PDS5B: variants seen among roughly 807,000 people sequenced by gnomAD.
PDS5B encodes sister chromatid cohesion protein PDS5 homolog B.
PDS5B carries 51 observed loss-of-function variants against 184.1 expected under a neutral mutation model. The ratio of observed to expected loss-of-function variants is 0.28; its 90% confidence interval spans 0.22 to 0.35. PDS5B has a LOEUF of 0.35. PDS5B is among the 10% of genes least tolerant of loss of function. The pLI is 1.00. For missense variants in PDS5B, 1,180 were observed against 1,723.3 expected (o/e 0.68, Z 5.58); for synonymous variants, 566 against 569.2 (o/e 0.99, Z 0.08).
At chr13:32,623,237 G>A (rs187305483) in intron 1 of PDS5B, among the ~76,000 whole-genome samples, 17 of 152,244 alleles carry the variant, frequency 1.1e-4, no homozygotes, top group Admixed American at 3.3e-4. Flanking sequence ...TTTCATAGTA[G>A]TGATGTTATC....
chr13:32,665,588 C>CAAAAAAAAAAAAAAAAAA (rs34604938), intron 6 of PDS5B, among the ~76,000 whole-genome samples: 4 of 25,874 alleles, frequency 1.5e-4, no homozygotes, highest in Admixed American at 6.6e-4. Flanking sequence ...GACTCCGACT[C>CAAAAAAAAAAAAAAAAAA]AAAAAAAAAA....
intron 1 of PDS5B, among the ~76,000 whole-genome samples, chr13:32,612,974 A>G (rs1467622271): frequency 1.3e-5 from 2 of 152,254 alleles, no homozygotes; most frequent in Admixed American, 6.5e-5. Flanking sequence ...AGTTTTGCCT[A>G]TTCTGAACAT....
At chr13:32,648,668 G>C in intron 1 of PDS5B, 86 bp from the exon 2 acceptor site, 3 of 614,078 alleles carry the variant, frequency 4.9e-6, no homozygotes, top group Middle Eastern at 9.0e-4. Flanking sequence ...TACAAATTTT[G>C]GTTGGTGGGG....
chr13:32,733,985 A>AACACACACACACACACACACAC (rs148714647), intron 20 of PDS5B, among the ~76,000 whole-genome samples: 2,373 of 141,966 alleles, frequency 0.017, 71 homozygotes, highest in African/African-American at 0.058. Context: ...CAAAAATTAA[A>AACACACACACACACACACACAC]ACACACACAC....
intron 24 of PDS5B, among the ~76,000 whole-genome samples, chr13:32,749,322 T>C (rs1842478760): frequency 6.6e-6 from 1 of 152,192 alleles, no homozygotes; most frequent in Non-Finnish European, 1.5e-5. Context: ...TCTGAGTCTT[T>C]TATTTTATCT....
Position 32,694,415 on chromosome 13 carries a change from T to C in PDS5B, c.1551+111T>C. ...TCTTTCTGTTTGCAAAAGTTCTGAT[T>C]GTAGAAGTTAGGATTCCTTGTTTAG... On this transcript the variant is annotated intron_variant, in intron 14 of 34. Transcript: ENST00000315596. The C allele has an allele frequency of 4.1e-6, 3 of 731,296 alleles. No homozygotes were observed. In the South Asian group the frequency reaches 4.8e-5, roughly 12 times the overall value. 45.3% of individuals were successfully genotyped at this position (731,296 alleles called of 1,614,324 possible).
chr13:32,616,942 G>C (rs1242601750), intron 1 of PDS5B, among the ~76,000 whole-genome samples: 1 of 152,110 alleles, frequency 6.6e-6, no homozygotes, highest in African/African-American at 2.4e-5. Context: ...CAGGAATAAT[G>C]AACAGTTTAA....
intron 30 of PDS5B, among the ~76,000 whole-genome samples, chr13:32,760,946 G>T (rs1030839740): frequency 6.6e-6 from 1 of 152,170 alleles, no homozygotes; most frequent in Non-Finnish European, 1.5e-5. Flanking sequence ...GGGGTAATCT[G>T]TGTTAGTACA....
intron 1 of PDS5B, among the ~76,000 whole-genome samples, chr13:32,620,690 G>A (rs915020777): frequency 6.6e-6 from 1 of 152,020 alleles, no homozygotes; most frequent in South Asian, 2.1e-4. Flanking sequence ...TAGTGATAAC[G>A]GGATTCTGAT....
intron 19 of PDS5B, among the ~76,000 whole-genome samples, chr13:32,728,965 C>T (rs1008779200): frequency 2.6e-5 from 4 of 152,260 alleles, no homozygotes; most frequent in Middle Eastern, 6.8e-3. Flanking sequence ...TTCTGAGATA[C>T]ATGTGCAGAA....
intron 1 of PDS5B, among the ~76,000 whole-genome samples, chr13:32,630,778 T>C (rs1431168970): frequency 6.7e-6 from 1 of 149,558 alleles, no homozygotes; most frequent in Non-Finnish European, 1.5e-5. Context: ...CTAAAACAGT[T>C]CTCTTCCTTA....
At chr13:32,684,388 G>T (rs1951329671) in intron 11 of PDS5B, among the ~76,000 whole-genome samples, 1 of 152,064 alleles carries the variant, frequency 6.6e-6, no homozygotes, top group Middle Eastern at 3.2e-3. Context: ...TTGTTATATG[G>T]GTATGAATTG....
chr13:32,605,230 C>A (rs1175227111), intron 1 of PDS5B, among the ~76,000 whole-genome samples: 2 of 152,152 alleles, frequency 1.3e-5, no homozygotes, highest in Non-Finnish European at 2.9e-5. Flanking sequence ...TCCCGCTACA[C>A]CCTGCTTTAA....
chr13:32,675,881 T>G lies in PDS5B; in HGVS notation c.884T>G (p.Leu295Arg). Residue 295 changes from leucine (L) to arginine (R), a missense_variant, in exon 9 of 35, where the codon CTA becomes CGA. Transcript: ENST00000315596. Reference sequence around the variant, plus strand: ...GAGGAGCGCCTACAAGTTGTTAAACTACTGGCAAAAATGTTTGGGGCAAAG... The same window carrying G: ...GAGGAGCGCCTACAAGTTGTTAAACGACTGGCAAAAATGTTTGGGGCAAAG... ...DNEERLQVVK[L>R]LAKMFGAKDS... 1.2e-6 allele frequency: 2 copies of G among 1,613,698 alleles called. No individual in the cohort carries two copies. Among genetic ancestry groups the G allele is most frequent in the African/African-American group, 1.3e-5 (1 of 75,060 alleles).
At chr13:32,673,170 GTC>G in intron 7 of PDS5B, 44 bp from the exon 8 acceptor site, 1 of 1,534,506 alleles carries the variant, frequency 6.5e-7, no homozygotes, top group South Asian at 1.2e-5. Flanking sequence ...CATTCAACTT[GTC>G]TCTGGTTTTT....
intron 1 of PDS5B, among the ~76,000 whole-genome samples, chr13:32,636,565 G>T (rs1566269395): frequency 2.0e-5 from 3 of 152,184 alleles, no homozygotes; most frequent in Admixed American, 6.5e-5. Flanking sequence ...TTCAGTTGTT[G>T]ATAACTTTAG....
chr13:32,592,657 C>A (rs1382982858), intron 1 of PDS5B, among the ~76,000 whole-genome samples: 1 of 152,112 alleles, frequency 6.6e-6, no homozygotes, highest in African/African-American at 2.4e-5. Flanking sequence ...ATAAATAGGT[C>A]AAGTCTTTAT....
intron 1 of PDS5B, among the ~76,000 whole-genome samples, chr13:32,602,063 C>A (rs557585520): frequency 6.6e-6 from 1 of 151,666 alleles, no homozygotes; most frequent in African/African-American, 2.4e-5. Flanking sequence ...CAATGTTTTT[C>A]AGTTAAATTC....
chr13:32,632,962 G>A (rs551030304), intron 1 of PDS5B, among the ~76,000 whole-genome samples: 2 of 152,258 alleles, frequency 1.3e-5, no homozygotes, highest in East Asian at 3.9e-4. Context: ...TTAGCCAGGC[G>A]TGGTGGCGCG....
Sources: gnomAD v4.1 joint callset for allele counts (sites outside exome capture counted in the v4.1 genomes callset) on GRCh38, gnomAD v4.1.1 for gene constraint, MANE v1.5 for transcripts, NCBI Gene and HGNC (gene_info 2026-07-23, HGNC 2026-07-21) for gene names.